The following FHAD1 variants were observed in gnomAD, a reference collection of about 807,000 sequenced individuals.
FHAD1 encodes forkhead-associated domain-containing protein 1.
Under a neutral mutation model 191.3 loss-of-function variants are expected in FHAD1, and 146 were observed. The ratio of observed to expected loss-of-function variants is 0.76; its 90% CI spans 0.67 to 0.88. FHAD1 has a LOEUF of 0.88. FHAD1 is among the 40% of genes least tolerant of loss of function. The pLI, the probability that FHAD1 is intolerant of heterozygous loss-of-function variation, is 0.00. For missense variants in FHAD1, 1,635 were observed against 1,785.8 expected (o/e 0.92, Z 1.52); for synonymous variants, 616 against 672.3 (o/e 0.92, Z 1.29).
At position 15,358,104 on chromosome 1, in the gene FHAD1, G is replaced by A. The variant is rs537684147; in HGVS notation, c.2563-6G>A. 3.2e-5 allele frequency: 48 copies of A among 1,499,326 alleles called. No homozygotes were observed. Among genetic ancestry groups the A allele is most frequent in the South Asian group, 1.6e-4 (12 of 75,630 alleles). The allele number at this position is 1,499,326 out of a possible 1,614,324, so 92.9% of individuals were successfully genotyped here. A position where few individuals can be genotyped will look rare whatever the true frequency, so the allele number is the denominator to read the frequency against. On this transcript the variant is annotated splice_polypyrimidine_tract_variant and splice_region_variant and intron_variant, in intron 20 of 33. Coordinates refer to ENST00000688493, the MANE Select transcript of FHAD1 (RefSeq NM_001391957.1). ...CTGTTATTTTGCTACTTGTTTTTTT[G>A]TCTAGGAATTAGAATTAAAAGAGCA...
At chr1:15,310,773 C>T (rs1033824564) in intron 7 of FHAD1, among the ~76,000 whole-genome samples, 4 of 152,150 alleles carry the variant, frequency 2.6e-5, no homozygotes, top group Non-Finnish European at 5.9e-5. Context: ...CTCAGTGGCT[C>T]ACAATAGACA....
At chr1:15,372,058 A>T (rs928027196) in intron 26 of FHAD1, among the ~76,000 whole-genome samples, 3 of 152,194 alleles carry the variant, frequency 2.0e-5, no homozygotes, top group African/African-American at 4.8e-5. Flanking sequence ...ACAAGCCAAG[A>T]TCAAGTAAAA....
At chr1:15,293,052 T>G (rs1381389784) in intron 4 of FHAD1, among the ~76,000 whole-genome samples, 1 of 152,154 alleles carries the variant, frequency 6.6e-6, no homozygotes, top group Non-Finnish European at 1.5e-5. Flanking sequence ...GCATGGGAGA[T>G]GACTATATAG....
intron 2 of FHAD1, among the ~76,000 whole-genome samples, chr1:15,255,120 T>TAAAAAAAAAAAA (rs55969718): frequency 1.3e-3 from 188 of 147,820 alleles, no homozygotes; most frequent in African/African-American, 2.3e-3. Flanking sequence ...TCAGGAATCT[T>TAAAAAAAAAAAA]AAAAAAGTCA....
In FHAD1 at chr1:15,289,511, G is replaced by T. The variant is rs1273606988; in HGVS notation, c.413G>T (p.Gly138Val). 2 of 1,551,846 alleles carry T rather than the reference G, an allele frequency of 1.3e-6. No individual in the cohort carries two copies. The highest frequency in any genetic ancestry group is 1.2e-5 in the South Asian group (1 of 84,056). Residue 138 changes from glycine (G) to valine (V), a missense_variant, in exon 4 of 34, where the codon GGT becomes GTT. By Grantham distance (109) the Gly-to-Val change is moderately radical (BLOSUM62 -3). Coordinates refer to ENST00000688493, the MANE Select transcript of FHAD1 (RefSeq NM_001391957.1). The surrounding 1 kb of genome is among the most constrained non-coding windows in gnomAD (Gnocchi z 4.2). Reference sequence around the variant, plus strand: ...CCATCACATATCCCCTTCCACCAAGGTGTCCAGCCAGCACCGATGCAAAGG... The same window carrying T: ...CCATCACATATCCCCTTCCACCAAGTTGTCCAGCCAGCACCGATGCAAAGG... ...PPPSHIPFHQ[G>V]VQPAPMQRSW...
chr1:15,372,216 G>A (rs1430972169), intron 26 of FHAD1, among the ~76,000 whole-genome samples: 7 of 150,750 alleles, frequency 4.6e-5, no homozygotes, highest in African/African-American at 7.3e-5. Context: ...GGAAGGGAAC[G>A]AGTGGTGGGG....
At chr1:15,383,532 T>C (rs534464338) in intron 31 of FHAD1, 1 of 340,182 alleles carries the variant, frequency 2.9e-6, no homozygotes, top group East Asian at 7.5e-5. Context: ...CCTGTCTGCT[T>C]TGCAGTTGAC....
At chr1:15,388,235 C>A in intron 32 of FHAD1, 104 bp downstream of exon 32, 1 of 609,676 alleles carries the variant, frequency 1.6e-6, no homozygotes, top group Non-Finnish European at 2.6e-6. Flanking sequence ...CCAAGGAGCA[C>A]TGCACACCTC....
At chr1:15,241,985 A>G (rs764374805) in intron 1 of FHAD1, among the ~76,000 whole-genome samples, 2 of 152,238 alleles carry the variant, frequency 1.3e-5, no homozygotes, top group Non-Finnish European at 2.9e-5. Context: ...CTCTAATCCC[A>G]GCACTCTGGG....
chr1:15,283,108 G>A (rs945011173), intron 3 of FHAD1, among the ~76,000 whole-genome samples: 1 of 152,266 alleles, frequency 6.6e-6, no homozygotes, highest in African/African-American at 2.4e-5. Flanking sequence ...AAACGAAGGG[G>A]TGGTTTATGC....
rs567359156 is a variant in FHAD1 at position 15,251,972 on chromosome 1, T to C, written c.93+95T>C. ...GCGTTATGTGGACTCCAGTCTCTTG[T>C]ACACCACAACCTGGGCAAGCAGCCA... On this transcript the variant is annotated intron_variant, in intron 2 of 33. Transcript: ENST00000688493. The C allele has an allele frequency of 5.8e-6, 6 of 1,025,894 alleles. No individual in the cohort carries two copies. In the African/African-American group the frequency reaches 8.1e-5, roughly 14 times the overall value. The allele number at this position is 1,025,894 out of a possible 1,614,324, so 63.5% of individuals were successfully genotyped here. A position where few individuals can be genotyped will look rare whatever the true frequency, so the allele number is the denominator to read the frequency against.
chr1:15,349,571 G>A (rs1355963884), intron 19 of FHAD1, among the ~76,000 whole-genome samples: 1 of 152,242 alleles, frequency 6.6e-6, no homozygotes, highest in East Asian at 1.9e-4. Flanking sequence ...ACCTGGCATG[G>A]CCAAGGGAGA....
At chr1:15,241,436 C>T (rs1162103207) in intron 1 of FHAD1, among the ~76,000 whole-genome samples, 2 of 151,868 alleles carry the variant, frequency 1.3e-5, no homozygotes, top group African/African-American at 2.4e-5. Flanking sequence ...GGTGGATCAC[C>T]TGAGGTCAGG....
rs1299170200 is a variant in FHAD1, at chr1:15,324,609, G to A, written c.1473+50G>A. 12 of 1,334,636 alleles carry A rather than the reference G, an allele frequency of 9.0e-6. No individual in the cohort carries two copies. In the Admixed American group the frequency reaches 2.4e-4, roughly 26 times the overall value. The allele number at this position is 1,334,636 out of a possible 1,614,324, so 82.7% of individuals were successfully genotyped here. A position where few individuals can be genotyped will look rare whatever the true frequency, so the allele number is the denominator to read the frequency against. ...CATTGGCCCACGCTCTCCAATGATT[G>A]CACCCAAGCAGCCAGTGGGGGTGAG... On this transcript the variant is annotated intron_variant, in intron 11 of 33. Transcript: ENST00000688493.
In FHAD1 at chr1:15,301,530, T is replaced by C. The variant is rs1056692297; in HGVS notation, c.915+89T>C. 31 of 1,111,276 alleles carry C rather than the reference T, an allele frequency of 2.8e-5. No individual in the cohort carries two copies. In the African/African-American group the frequency reaches 4.6e-4, roughly 16 times the overall value. The allele number at this position is 1,111,276 out of a possible 1,614,324, so 68.8% of individuals were successfully genotyped here. On this transcript the variant is annotated intron_variant, in intron 6 of 33. Coordinates refer to ENST00000688493, the MANE Select transcript of FHAD1 (RefSeq NM_001391957.1). ...CCAACCAAGGTGAGCCACCCAGAGT[T>C]AGGGAACGCGTGGTCAGTGGAGCAT...
intron 32 of FHAD1, among the ~76,000 whole-genome samples, chr1:15,390,235 A>G (rs548397435): frequency 2.7e-5 from 4 of 149,840 alleles, no homozygotes; most frequent in South Asian, 2.2e-4. Flanking sequence ...AATCCAAGCT[A>G]TCGGGAGGCT....
Position 15,329,188 on chromosome 1 carries a change from A to G in FHAD1, c.1711-158A>G. 1.8e-6 allele frequency: 1 copy of G among 565,210 alleles called. No individual in the cohort carries two copies. Among genetic ancestry groups the G allele is most frequent in the Non-Finnish European group, 3.0e-6 (1 of 330,384 alleles). The allele number at this position is 565,210 out of a possible 1,614,324, so 35.0% of individuals were successfully genotyped here. On this transcript the variant is annotated intron_variant, in intron 13 of 33. Transcript: ENST00000688493. The surrounding 1 kb of genome is among the most constrained non-coding windows in gnomAD (Gnocchi z 5.0). ...TAAAAAAAAACCTGTCAAAACATAA[A>G]AATTTTAAAAAAGAAAAAAACTGAG...
At chr1:15,346,104 C>T (rs377092696) in intron 18 of FHAD1, among the ~76,000 whole-genome samples, 1 of 152,096 alleles carries the variant, frequency 6.6e-6, no homozygotes, top group Non-Finnish European at 1.5e-5. Context: ...TGTGTGAAAA[C>T]AGGGGCGCCC....
chr1:15,307,263 T>C (rs1670790940), intron 6 of FHAD1, among the ~76,000 whole-genome samples: 1 of 152,222 alleles, frequency 6.6e-6, no homozygotes, highest in African/African-American at 2.4e-5. Flanking sequence ...CCAATACCTG[T>C]ACCCCCATTG....
Sources: gnomAD v4.1 joint callset for allele counts (sites outside exome capture counted in the v4.1 genomes callset) on GRCh38, gnomAD v4.1.1 for gene constraint, Gnocchi (gnomAD v3.1) non-coding constraint, MANE v1.5 for transcripts, NCBI Gene and HGNC (gene_info 2026-07-23, HGNC 2026-07-21) for gene names.